The following SCFD2 variants were observed in gnomAD, a reference collection of about 807,000 sequenced individuals.
SCFD2 encodes sec1 family domain containing 2.
Under a neutral mutation model 58.9 loss-of-function variants are expected in SCFD2, and 54 were observed. The ratio of observed to expected loss-of-function variants is 0.92; its 90% CI spans 0.74 to 1.15. The LOEUF (loss-of-function observed/expected upper bound fraction) is 1.15. Among genes scored for constraint, SCFD2 ranks in the 50% most tolerant of loss-of-function variants. The pLI is 0.00. For missense variants in SCFD2, 805 were observed against 836.6 expected, an observed-to-expected ratio of 0.96 and a Z score of 0.47; for synonymous variants, 321 against 335.9, an observed-to-expected ratio of 0.96 and a Z score of 0.49.
chr4:52,969,686 C>A (rs1216389388), intron 5 of SCFD2, among the ~76,000 whole-genome samples: 1 of 152,128 alleles, frequency 6.6e-6, no homozygotes, highest in Non-Finnish European at 1.5e-5. Flanking sequence ...GAGGTCTGAC[C>A]CCTTGGGCCT....
intron 5 of SCFD2, among the ~76,000 whole-genome samples, chr4:53,119,506 A>C (rs1725420848): frequency 6.6e-6 from 1 of 152,088 alleles, no homozygotes; most frequent in Non-Finnish European, 1.5e-5. Flanking sequence ...AAATAAAATA[A>C]AGTTTCTGCC....
At chr4:52,877,882 T>G (rs1321921440) in intron 8 of SCFD2, among the ~76,000 whole-genome samples, 1 of 152,218 alleles carries the variant, frequency 6.6e-6, no homozygotes, top group Non-Finnish European at 1.5e-5. Flanking sequence ...CTTCAGAACC[T>G]GAATGCTGCC....
chr4:52,983,761 T>C (rs1241052011), intron 5 of SCFD2, among the ~76,000 whole-genome samples: 1 of 152,208 alleles, frequency 6.6e-6, no homozygotes, highest in Non-Finnish European at 1.5e-5. Context: ...TGCCCTCTGC[T>C]GGAAAGAATC....
At chr4:52,875,977 C>T (rs568804601) in intron 8 of SCFD2, among the ~76,000 whole-genome samples, 1 of 151,580 alleles carries the variant, frequency 6.6e-6, no homozygotes, top group East Asian at 1.9e-4. Flanking sequence ...TTGGCCTTCT[C>T]TATCATCTGC....
chr4:52,925,338 CCATATATATATATATA>C (rs1279023235), intron 5 of SCFD2, among the ~76,000 whole-genome samples: 3 of 137,870 alleles, frequency 2.2e-5, no homozygotes, highest in African/African-American at 8.9e-5. Flanking sequence ...TCTGCTAAAG[CCATATATATATATATA>C]CATATATATA....
rs28735545 is a variant in SCFD2, at chr4:53,205,487, T to A, written c.1312-59905A>T. ...GATAAAAAGAGAATAGAACAGAGGTTAAAGCAAACAAACAGTAAAAGCAAC... is the reference window on the plus strand; with the variant it reads ...GATAAAAAGAGAATAGAACAGAGGTAAAAGCAAACAAACAGTAAAAGCAAC... On this transcript the variant is annotated intron_variant, in intron 4 of 8. Coordinates refer to ENST00000401642, the MANE Select transcript of SCFD2 (RefSeq NM_152540.4). Among the ~76,000 whole-genome samples, 850 of 152,112 alleles carry A rather than the reference T, an allele frequency of 5.6e-3. 12 individuals carry two copies. Among genetic ancestry groups the A allele is most frequent in the African/African-American group, 0.019 (801 of 41,466 alleles).
chr4:52,875,737 T>G (rs1718454143), intron 8 of SCFD2, among the ~76,000 whole-genome samples: 1 of 144,682 alleles, frequency 6.9e-6, no homozygotes, highest in Admixed American at 7.0e-5. Context: ...TGAGAAAGTT[T>G]TCTGTTTAAA....
chr4:52,905,973 G>A (rs750804846), intron 7 of SCFD2, among the ~76,000 whole-genome samples: 1 of 152,202 alleles, frequency 6.6e-6, no homozygotes, highest in Non-Finnish European at 1.5e-5. Context: ...AAGGCACTGT[G>A]ATGTTGGACT....
At chr4:53,122,078 A>C (rs1725494099) in intron 5 of SCFD2, among the ~76,000 whole-genome samples, 1 of 152,130 alleles carries the variant, frequency 6.6e-6, no homozygotes, top group South Asian at 2.1e-4. Context: ...GCCAAGCAAA[A>C]AACATTCTGA....
At chr4:53,013,571 T>G (rs1031185053) in intron 5 of SCFD2, among the ~76,000 whole-genome samples, 1 of 152,218 alleles carries the variant, frequency 6.6e-6, no homozygotes, top group African/African-American at 2.4e-5. Context: ...GGGGAGATAG[T>G]CTCTACAATT....
intron 7 of SCFD2, among the ~76,000 whole-genome samples, chr4:52,898,267 C>T (rs1474112671): frequency 6.6e-6 from 1 of 152,182 alleles, no homozygotes; most frequent in Admixed American, 6.5e-5. Flanking sequence ...TTAGATCTTT[C>T]CTGCTATCTC....
intron 5 of SCFD2, among the ~76,000 whole-genome samples, chr4:52,999,085 T>C (rs2148799332): frequency 6.6e-6 from 1 of 152,300 alleles, no homozygotes; most frequent in Admixed American, 6.5e-5. Flanking sequence ...TTTTAAAGAA[T>C]TGAATGATTA....
At chr4:53,113,418 C>G (rs1030058032) in intron 5 of SCFD2, among the ~76,000 whole-genome samples, 1 of 152,064 alleles carries the variant, frequency 6.6e-6, no homozygotes, top group Non-Finnish European at 1.5e-5. Context: ...GACAAAAATA[C>G]TGATGGAGAA....
chr4:53,303,489 T>A (rs1732403315), intron 3 of SCFD2, among the ~76,000 whole-genome samples: 1 of 152,148 alleles, frequency 6.6e-6, no homozygotes, highest in African/African-American at 2.4e-5. Flanking sequence ...TAGGAATACT[T>A]TTACACTGTT....
intron 1 of SCFD2, among the ~76,000 whole-genome samples, chr4:53,355,428 T>A (rs1734372349): frequency 6.6e-6 from 1 of 152,174 alleles, no homozygotes; most frequent in African/African-American, 2.4e-5. Flanking sequence ...ATCAGGAAAC[T>A]GAGAGGCAGA....
chr4:53,205,418 C>T (rs1728375098), intron 4 of SCFD2, among the ~76,000 whole-genome samples: 1 of 152,020 alleles, frequency 6.6e-6, no homozygotes, highest in Non-Finnish European at 1.5e-5. Context: ...TGAAGAATGA[C>T]AGCAAAGAAA....
chr4:53,289,689 T>G (rs1182680709), intron 3 of SCFD2, among the ~76,000 whole-genome samples: 1 of 152,086 alleles, frequency 6.6e-6, no homozygotes, highest in African/African-American at 2.4e-5. Flanking sequence ...AGTGGCTGAA[T>G]GGAAAACAAC....
chr4:53,007,694 T>C (rs1408736110), intron 5 of SCFD2, among the ~76,000 whole-genome samples: 1 of 152,192 alleles, frequency 6.6e-6, no homozygotes, highest in Non-Finnish European at 1.5e-5. Flanking sequence ...AAGTACTCTA[T>C]CAAAGTTTGA....
intron 2 of SCFD2, among the ~76,000 whole-genome samples, chr4:53,327,240 G>A (rs1277032369): frequency 6.6e-6 from 1 of 152,010 alleles, no homozygotes. Context: ...CTGCACAAAG[G>A]GCCCAAGAGG....
Sources: gnomAD v4.1 joint callset for allele counts (sites outside exome capture counted in the v4.1 genomes callset) on GRCh38, gnomAD v4.1.1 for gene constraint, MANE v1.5 for transcripts, NCBI Gene and HGNC (gene_info 2026-07-23, HGNC 2026-07-21) for gene names.